SYNPR: variants seen among roughly 807,000 people sequenced by gnomAD.
The protein encoded by SYNPR is synaptoporin.
In SYNPR, 23 loss-of-function variants were observed where a neutral mutation model predicts 32.9. That is an observed-to-expected ratio of 0.70 (90% confidence interval 0.50 to 0.99). The LOEUF (loss-of-function observed/expected upper bound fraction) is 0.99. Ranked by LOEUF, SYNPR falls within the 50% of genes least tolerant of loss-of-function variation. SYNPR has a pLI of 0.00. For synonymous variants in SYNPR, 146 were observed against 135.9 expected, an observed-to-expected ratio of 1.07 and a Z score of -0.52; for missense variants, 318 against 349.3, an observed-to-expected ratio of 0.91 and a Z score of 0.71.
rs373948738 is a variant in SYNPR, at chr3:63,483,133, T to G, written c.209+2177T>G. ...TCTAGATATCTACCTTCAAAAATGTTCATATAAATACACAAATATATGCAT... is the reference window on the plus strand; with the variant it reads ...TCTAGATATCTACCTTCAAAAATGTGCATATAAATACACAAATATATGCAT... On this transcript the variant is annotated intron_variant, in intron 3 of 5. Coordinates refer to ENST00000478300, the MANE Select transcript of SYNPR (RefSeq NM_001130003.2). 2.0e-5 allele frequency among the ~76,000 whole-genome samples: 3 copies of G among 152,236 alleles called. No individual in the cohort carries two copies. The East Asian group carries it at 5.8e-4, about 29-fold the overall frequency.
At chr3:63,527,317 G>A (rs115064823) in intron 3 of SYNPR, among the ~76,000 whole-genome samples, 1 of 152,052 alleles carries the variant, frequency 6.6e-6, no homozygotes, top group African/African-American at 2.4e-5. Flanking sequence ...TCCTCATGGA[G>A]AGGAGATCCT....
At chr3:63,530,392 G>T (rs1243039183) in intron 3 of SYNPR, among the ~76,000 whole-genome samples, 1 of 152,100 alleles carries the variant, frequency 6.6e-6, no homozygotes, top group Non-Finnish European at 1.5e-5. Flanking sequence ...AGTGGAAGGA[G>T]ATGTAGGAGC....
At chr3:63,572,073 C>T (rs1702897012) in intron 4 of SYNPR, among the ~76,000 whole-genome samples, 1 of 152,222 alleles carries the variant, frequency 6.6e-6, no homozygotes, top group Non-Finnish European at 1.5e-5. Flanking sequence ...CAAACCCTCA[C>T]ATCCACTTGA....
chr3:63,259,014 C>G (rs7432825), intron 2 of SYNPR, among the ~76,000 whole-genome samples: 6 of 152,058 alleles, frequency 3.9e-5, no homozygotes, highest in African/African-American at 1.2e-4. Flanking sequence ...CCTCCCAAGA[C>G]TAAACCAGGA....
At position 63,616,655 on chromosome 3, in the gene SYNPR, T is replaced by C. The variant is rs994725100; in HGVS notation, c.*1174T>C. On this transcript the variant is annotated 3_prime_UTR_variant, in exon 6 of 6. Transcript: ENST00000478300. ...TCATGAAATATTCTCCAGAATGTAT[T>C]CATTATCAAGAAAATGTCAATCGTC... The C allele has an allele frequency of 6.5e-6, 1 of 152,672 alleles. No individual in the cohort carries two copies. The highest frequency in any genetic ancestry group is 1.5e-5 in the Non-Finnish European group (1 of 68,044). 9.5% of individuals were successfully genotyped at this position (152,672 alleles called of 1,614,324 possible).
chr3:63,543,784 T>C (rs1702348467), intron 3 of SYNPR, among the ~76,000 whole-genome samples: 1 of 152,082 alleles, frequency 6.6e-6, no homozygotes, highest in Admixed American at 6.6e-5. Context: ...CCTCGTCCCC[T>C]ACCCTTCCTC....
chr3:63,271,581 T>C (rs2086535862), intron 3 of SYNPR, among the ~76,000 whole-genome samples: 1 of 152,158 alleles, frequency 6.6e-6, no homozygotes, highest in Admixed American at 6.6e-5. Context: ...AATCCATTGA[T>C]CTTTCCTATC....
intron 2 of SYNPR, among the ~76,000 whole-genome samples, chr3:63,337,952 A>T (rs528195438): frequency 6.6e-6 from 1 of 152,346 alleles, no homozygotes; most frequent in African/African-American, 2.4e-5. Context: ...GCATGACATT[A>T]TACATTTGAC....
At chr3:63,286,721 T>C (rs545700239) in intron 2 of SYNPR, among the ~76,000 whole-genome samples, 1 of 152,214 alleles carries the variant, frequency 6.6e-6, no homozygotes, top group African/African-American at 2.4e-5. Flanking sequence ...GTATTTGTTA[T>C]TATTCCTGTT....
chr3:63,589,484 C>T (rs963451695), intron 4 of SYNPR, among the ~76,000 whole-genome samples: 7 of 151,906 alleles, frequency 4.6e-5, no homozygotes, highest in Non-Finnish European at 8.8e-5. Context: ...ACCCCAAAGC[C>T]GGGCAGAGAC....
chr3:63,541,078 G>T (rs975560658), intron 3 of SYNPR, among the ~76,000 whole-genome samples: 1 of 151,790 alleles, frequency 6.6e-6, no homozygotes, highest in South Asian at 2.1e-4. Flanking sequence ...GGAGCTGGGA[G>T]AACGATGGCC....
At chr3:63,453,657 G>C (rs1700424589) in intron 2 of SYNPR, among the ~76,000 whole-genome samples, 1 of 152,036 alleles carries the variant, frequency 6.6e-6, no homozygotes, top group African/African-American at 2.4e-5. Context: ...CACTGGAATG[G>C]GTACTTTGGA....
intron 3 of SYNPR, among the ~76,000 whole-genome samples, chr3:63,267,664 TA>T (rs2086501625): frequency 6.6e-6 from 1 of 152,194 alleles, no homozygotes; most frequent in South Asian, 2.1e-4. Flanking sequence ...CATCTTCTAC[TA>T]TGTGCAGGCT....
At chr3:63,384,517 G>C (rs547443232) in intron 2 of SYNPR, among the ~76,000 whole-genome samples, 8 of 152,244 alleles carry the variant, frequency 5.3e-5, no homozygotes, top group African/African-American at 1.9e-4. Context: ...TCAGGAACAA[G>C]CCTTATAATT....
intron 2 of SYNPR, among the ~76,000 whole-genome samples, chr3:63,315,628 G>C (rs766563761): frequency 6.6e-6 from 1 of 151,916 alleles, no homozygotes; most frequent in Non-Finnish European, 1.5e-5. Flanking sequence ...TCAGTTTTAG[G>C]AGCTTTCTGG....
At chr3:63,374,556 A>C (rs758630980) in intron 2 of SYNPR, among the ~76,000 whole-genome samples, 1 of 152,172 alleles carries the variant, frequency 6.6e-6, no homozygotes, top group Non-Finnish European at 1.5e-5. Flanking sequence ...CCTATATAAC[A>C]CACCTGCACA....
Position 63,615,612 on chromosome 3 carries a change from C to A in SYNPR, c.*131C>A. On this transcript the variant is annotated 3_prime_UTR_variant, in exon 6 of 6. Transcript: ENST00000478300. ...ATGTAAATCAGAGCTCTCTAGTCTT[C>A]ATTAAGGCAGCAAGTCCTGGGTTGT... 1 of 1,252,188 alleles carries A rather than the reference C, an allele frequency of 8.0e-7. No homozygotes were observed. Among genetic ancestry groups the A allele is most frequent in the Non-Finnish European group, 1.1e-6 (1 of 921,962 alleles). The allele number at this position is 1,252,188 out of a possible 1,614,324, so 77.6% of individuals were successfully genotyped here. A position where few individuals can be genotyped will look rare whatever the true frequency, so the allele number is the denominator to read the frequency against.
intron 2 of SYNPR, among the ~76,000 whole-genome samples, chr3:63,403,037 A>T (rs1410080082): frequency 6.6e-6 from 1 of 152,200 alleles, no homozygotes; most frequent in East Asian, 1.9e-4. Context: ...AGTAAACATT[A>T]ACAGAGAGAA....
Position 63,615,343 on chromosome 3 carries a change from C to A in SYNPR, c.720C>A (p.Ser240Arg), listed in dbSNP as rs1312670668. The stretch of plus-strand genomic sequence containing the variant: ...CAGATCCAATGGAGAAGCACTCCAG[C>A]AGCTATAATCAAGGTGGTTACAACC... The part of the protein sequence containing the change: ...YLSDPMEKHS[S>R]SYNQGGYNQD... Residue 240 changes from serine to arginine, a missense_variant, in exon 6 of 6, where the codon AGC (serine) becomes AGA (arginine). Coordinates refer to ENST00000478300, the MANE Select transcript of SYNPR (RefSeq NM_001130003.2). 2.5e-6 allele frequency: 4 copies of A among 1,613,748 alleles called. No homozygotes were observed. Among genetic ancestry groups the A allele is most frequent in the Non-Finnish European group, 3.4e-6 (4 of 1,179,850 alleles).
Sources: gnomAD v4.1 joint callset for allele counts (sites outside exome capture counted in the v4.1 genomes callset) on GRCh38, gnomAD v4.1.1 for gene constraint, MANE v1.5 for transcripts, NCBI Gene and HGNC (gene_info 2026-07-23, HGNC 2026-07-21) for gene names.